Variants in MMP28 observed in about 807,000 individuals in gnomAD.
MMP28 encodes the protein matrix metalloproteinase-28.
In MMP28, 55 loss-of-function variants were observed where a neutral mutation model predicts 60.5. The observed-to-expected ratio is 0.91, with a 90% confidence interval of 0.73 to 1.14. MMP28 has a LOEUF of 1.14. MMP28 is among the 50% of genes most tolerant of loss of function. The probability of loss-of-function intolerance (pLI) is 0.00; values close to 1 mark genes in which losing one functional copy is unlikely to be tolerated. For missense variants in MMP28, 686 were observed against 738.3 expected (o/e 0.93, Z 0.82); for synonymous variants, 318 against 312.5 (o/e 1.02, Z -0.18).
At chr17:35,767,437 T>C (rs1472879137) in intron 7 of MMP28, among the ~76,000 whole-genome samples, 1 of 152,170 alleles carries the variant, frequency 6.6e-6, no homozygotes. Flanking sequence ...AAGCGACACG[T>C]CCAACCCCAC....
intron 3 of MMP28, among the ~76,000 whole-genome samples, chr17:35,777,934 A>G (rs1260595298): frequency 6.6e-6 from 1 of 152,240 alleles, no homozygotes; most frequent in East Asian, 1.9e-4. Flanking sequence ...AGGCTGAGGC[A>G]GGAGAATCGC....
At chr17:35,786,454 C>A (rs1555610513) in intron 1 of MMP28, among the ~76,000 whole-genome samples, 7 of 152,154 alleles carry the variant, frequency 4.6e-5, no homozygotes. Flanking sequence ...CAGAAACTGT[C>A]ACTTTACCTA....
intron 2 of MMP28, among the ~76,000 whole-genome samples, chr17:35,760,103 T>A (rs2085790341): frequency 6.6e-6 from 1 of 152,140 alleles, no homozygotes; most frequent in African/African-American, 2.4e-5. Flanking sequence ...GGGACTCCAT[T>A]GCCCTCCACT....
downstream of MMP28, among the ~76,000 whole-genome samples, chr17:35,765,380 G>A (rs1555602678): frequency 6.6e-6 from 1 of 152,190 alleles, no homozygotes; most frequent in African/African-American, 2.4e-5. Context: ...GTGGAGGGGT[G>A]GGAGAAGCCT....
intron 2 of MMP28, among the ~76,000 whole-genome samples, chr17:35,758,773 T>A (rs1451425420): frequency 6.6e-6 from 1 of 152,168 alleles, no homozygotes; most frequent in Non-Finnish European, 1.5e-5. Context: ...TGTTTGACAA[T>A]CTGACTTTTT....
intron 2 of MMP28, among the ~76,000 whole-genome samples, chr17:35,760,125 A>T (rs1472669893): frequency 6.6e-6 from 1 of 152,186 alleles, no homozygotes; most frequent in Non-Finnish European, 1.5e-5. Context: ...TCAGACTTGG[A>T]TGGAGGATCG....
chr17:35,768,805 G>A (rs538690135), intron 5 of MMP28, among the ~76,000 whole-genome samples: 41 of 151,890 alleles, frequency 2.7e-4, no homozygotes, highest in Non-Finnish European at 5.6e-4. Context: ...GCGAGACTCC[G>A]TCTCAAAAAG....
At chr17:35,764,984 T>C (rs1345689085), downstream of MMP28, 3 of 156,438 alleles carry the variant, frequency 1.9e-5, no homozygotes, top group African/African-American at 4.8e-5. Flanking sequence ...GGCAGAGGCA[T>C]CGCCTAGAGA....
intron 1 of MMP28, among the ~76,000 whole-genome samples, chr17:35,790,204 C>T (rs1344603529): frequency 1.3e-5 from 2 of 151,306 alleles, no homozygotes; most frequent in African/African-American, 4.9e-5. Flanking sequence ...GCTGAGATTA[C>T]AGGCGTTTGC....
intron 4 of MMP28, 43 bp downstream of exon 4, chr17:35,773,137 G>A: frequency 6.3e-7 from 1 of 1,578,366 alleles, no homozygotes; most frequent in Non-Finnish European, 8.6e-7. Context: ...CTCCAAGTTG[G>A]GTTCCCCTCC....
intron 1 of MMP28, among the ~76,000 whole-genome samples, chr17:35,783,458 C>T (rs1246500111): frequency 1.3e-5 from 2 of 152,222 alleles, no homozygotes; most frequent in African/African-American, 4.8e-5. Flanking sequence ...GGTTCTCTTC[C>T]TTGTCCCCTC....
In MMP28 at chr17:35,773,250, G is replaced by C. The variant is rs200526223; in HGVS notation, c.534C>G (p.Pro178=). 2.5e-6 allele frequency: 4 copies of C among 1,614,034 alleles called. No individual in the cohort carries two copies. The highest frequency in any genetic ancestry group is 3.4e-6 in the Non-Finnish European group (4 of 1,179,896). Residue 178 remains proline (P), a synonymous_variant, in exon 4 of 8, where the codon CCC becomes CCG. Coordinates refer to ENST00000605424, the MANE Select transcript of MMP28 (RefSeq NM_024302.5). ...GGAAGAAGGTGAGCCGGATGTCAGCGGGGCCTGTGGCTGGGGCCTCCCAGA... is the reference window on the plus strand; with the variant it reads ...GGAAGAAGGTGAGCCGGATGTCAGCCGGGCCTGTGGCTGGGGCCTCCCAGA... ...LEFWEAPATG[P]ADIRLTFFQG...
downstream of MMP28, chr17:35,765,048 A>T (rs1555602580): frequency 1.3e-5 from 2 of 152,926 alleles, no homozygotes; most frequent in Admixed American, 1.3e-4. Context: ...TTTCCCTGAA[A>T]CCATTCAATA....
At chr17:35,762,592 C>A (rs750117417), downstream of MMP28, among the ~76,000 whole-genome samples, 1 of 152,116 alleles carries the variant, frequency 6.6e-6, no homozygotes, top group African/African-American at 2.4e-5. Context: ...AAGGAGGAAG[C>A]GTCTTTTCCT....
At chr17:35,764,525 A>G, downstream of MMP28, 1 of 1,600,002 alleles carries the variant, frequency 6.2e-7, no homozygotes, top group South Asian at 1.1e-5. Flanking sequence ...TCTGCAAGAA[A>G]TGCAGGAGTC....
chr17:35,774,028 A>G (rs1240285039), intron 3 of MMP28, among the ~76,000 whole-genome samples: 1 of 152,212 alleles, frequency 6.6e-6, no homozygotes, highest in Non-Finnish European at 1.5e-5. Context: ...TCGCTTCCTC[A>G]GGGACTCTGG....
At chr17:35,770,794 A>C (rs2086110033) in intron 4 of MMP28, among the ~76,000 whole-genome samples, 1 of 151,938 alleles carries the variant, frequency 6.6e-6, no homozygotes, top group Admixed American at 6.6e-5. Context: ...TCACGCCTAT[A>C]ATCTCAGCAC....
At chr17:35,787,950 G>A (rs951348474) in intron 1 of MMP28, among the ~76,000 whole-genome samples, 1 of 139,384 alleles carries the variant, frequency 7.2e-6, no homozygotes, top group African/African-American at 2.7e-5. Flanking sequence ...CGTCGCCCTG[G>A]CTGAAATGCA....
chr17:35,778,659 GA>G, intron 3 of MMP28: 2 of 1,078,248 alleles, frequency 1.9e-6, no homozygotes, highest in Admixed American at 3.1e-5. Flanking sequence ...GTTTGATCTG[GA>G]AAAACACTTG....
Sources: gnomAD v4.1 joint callset for allele counts (sites outside exome capture counted in the v4.1 genomes callset) on GRCh38, gnomAD v4.1.1 for gene constraint, MANE v1.5 for transcripts, NCBI Gene and HGNC (gene_info 2026-07-23, HGNC 2026-07-21) for gene names.